The following HSD17B3 variants were observed in gnomAD, a reference collection of about 807,000 sequenced individuals.
HSD17B3 encodes the protein hydroxysteroid 17-beta dehydrogenase 3.
A neutral mutation model predicts 41.1 loss-of-function variants in HSD17B3; 29 were observed. The observed-to-expected ratio is 0.71, with a 90% confidence interval of 0.53 to 0.96. The LOEUF (loss-of-function observed/expected upper bound fraction) is 0.96. HSD17B3 is among the 40% of genes least tolerant of loss of function. HSD17B3 has a pLI of 0.00. For missense variants in HSD17B3, 323 were observed against 374.6 expected (o/e 0.86, Z 1.14); for synonymous variants, 126 against 145.6 (o/e 0.87, Z 0.97).
intron 8 of HSD17B3, 32 bp from the exon 9 acceptor site, chr9:96,244,426 C>T: frequency 1.2e-6 from 2 of 1,610,958 alleles, no homozygotes; most frequent in Non-Finnish European, 1.7e-6. Context: ...CCTGAGGCCC[C>T]AGAGTGAGCT....
At chr9:96,288,893 C>T (rs944410372) in intron 2 of HSD17B3, among the ~76,000 whole-genome samples, 2 of 150,710 alleles carry the variant, frequency 1.3e-5, no homozygotes, top group East Asian at 3.9e-4. Context: ...GCCGAAATTG[C>T]GCCACTGCAC....
At chr9:96,288,551 C>T (rs574613887) in intron 2 of HSD17B3, among the ~76,000 whole-genome samples, 1 of 152,240 alleles carries the variant, frequency 6.6e-6, no homozygotes, top group East Asian at 1.9e-4. Context: ...GAGGCCGAGG[C>T]AGGAGGATCA....
intron 2 of HSD17B3, among the ~76,000 whole-genome samples, chr9:96,274,487 T>C (rs754029997): frequency 2.0e-5 from 3 of 151,540 alleles, no homozygotes; most frequent in Non-Finnish European, 2.9e-5. Flanking sequence ...AGAACACAGA[T>C]AGACAACTCA....
chr9:96,292,735 C>A (rs1296385132), intron 2 of HSD17B3, among the ~76,000 whole-genome samples: 1 of 152,158 alleles, frequency 6.6e-6, no homozygotes, highest in Non-Finnish European at 1.5e-5. Context: ...TGCCAAGAAT[C>A]ATTGTATTTA....
intron 2 of HSD17B3, chr9:96,256,193 A>G (rs1408271216): frequency 3.3e-5 from 5 of 152,260 alleles, no homozygotes; most frequent in Admixed American, 2.6e-4. Flanking sequence ...TAAAATACAC[A>G]TAACAAAATC....
intron 6 of HSD17B3, among the ~76,000 whole-genome samples, chr9:96,248,826 G>A (rs1305230091): frequency 6.6e-6 from 1 of 152,090 alleles, no homozygotes; most frequent in Non-Finnish European, 1.5e-5. Context: ...AGGGACTCAT[G>A]CTATACATCT....
chr9:96,246,659 C>T, intron 6 of HSD17B3, 69 bp from the exon 7 acceptor site: 1 of 1,412,450 alleles, frequency 7.1e-7, no homozygotes, highest in Non-Finnish European at 1.0e-6. Context: ...GGGATGGAAA[C>T]AGGGAAGGGA....
chr9:96,248,245 A>T (rs920902852), intron 6 of HSD17B3, among the ~76,000 whole-genome samples: 1 of 152,216 alleles, frequency 6.6e-6, no homozygotes, highest in Non-Finnish European at 1.5e-5. Flanking sequence ...TAAGCACAAA[A>T]AGATGTGTGT....
chr9:96,240,834 T>TCAG lies in HSD17B3; in HGVS notation c.743_745dup (p.Ala248dup). On this transcript the variant is annotated inframe_insertion, in exon 10 of 11. Coordinates refer to ENST00000375263, the MANE Select transcript of HSD17B3 (RefSeq NM_000197.2). ...ATTCAATGACTCTTTGACAAACTCATCAGCAGTCTTGGTTATCACATTTGT... is the reference window on the plus strand; with the variant it reads ...ATTCAATGACTCTTTGACAAACTCATCAGCAGCAGTCTTGGTTATCACATTTGT... 1 of 1,614,144 alleles carries TCAG rather than the reference T, an allele frequency of 6.2e-7. No homozygotes were observed. The highest frequency in any genetic ancestry group is 8.5e-7 in the Non-Finnish European group (1 of 1,179,988).
rs572990307 is a variant in HSD17B3 at position 96,297,462 on chromosome 9, TCAGCCTCC to T, written c.201+946_201+953del. Among the ~76,000 whole-genome samples the T allele has an allele frequency of 4.7e-5, 7 of 149,026 alleles. No individual in the cohort carries two copies. In the South Asian group the frequency reaches 1.5e-3, roughly 33 times the overall value. Reference sequence around the variant, plus strand: ...CCCAGGTTCAAGAGATTCTCCTGCCTCAGCCTCCCAAGTAGCTGGGATTACAGGCACCT... The same window carrying T: ...CCCAGGTTCAAGAGATTCTCCTGCCTCAAGTAGCTGGGATTACAGGCACCT... On this transcript the variant is annotated intron_variant, in intron 2 of 10. Coordinates refer to ENST00000375263, the MANE Select transcript of HSD17B3 (RefSeq NM_000197.2).
intron 10 of HSD17B3, among the ~76,000 whole-genome samples, chr9:96,236,873 C>A (rs1423598978): frequency 6.6e-6 from 1 of 152,148 alleles, no homozygotes; most frequent in African/African-American, 2.4e-5. Flanking sequence ...CAACATGCCT[C>A]AATCCACCTA....
intron 2 of HSD17B3, 119 bp from the exon 3 acceptor site, chr9:96,255,062 C>T (rs2130733810): frequency 1.2e-6 from 1 of 862,978 alleles, no homozygotes; most frequent in East Asian, 2.6e-5. Context: ...GGTTGCTTCA[C>T]CTGGGTTTAA....
chr9:96,249,998 G>A, intron 5 of HSD17B3: 24 of 1,454,460 alleles, frequency 1.7e-5, no homozygotes, highest in South Asian at 2.9e-5. Context: ...CTGTACCCAC[G>A]TCATCTTGAC....
intron 6 of HSD17B3, 34 bp downstream of exon 6, chr9:96,249,717 G>A: frequency 6.2e-7 from 1 of 1,604,310 alleles, no homozygotes; most frequent in Non-Finnish European, 8.5e-7. Context: ...GTTACTACAT[G>A]TTAATGCATT....
At chr9:96,292,243 G>A (rs1278405703) in intron 2 of HSD17B3, among the ~76,000 whole-genome samples, 1 of 152,126 alleles carries the variant, frequency 6.6e-6, no homozygotes, top group Admixed American at 6.5e-5. Context: ...AATCTCAAGG[G>A]CCCATTGAAC....
chr9:96,237,476 A>C (rs535141411), intron 10 of HSD17B3, among the ~76,000 whole-genome samples: 4 of 152,332 alleles, frequency 2.6e-5, no homozygotes, highest in Admixed American at 1.3e-4. Flanking sequence ...CAACTAAGTG[A>C]GGCAACATGC....
At chr9:96,236,623 C>T (rs1230759459) in intron 10 of HSD17B3, among the ~76,000 whole-genome samples, 1 of 151,978 alleles carries the variant, frequency 6.6e-6, no homozygotes, top group Non-Finnish European at 1.5e-5. Context: ...ATAGTGGGCG[C>T]TAAGGAAATA....
intron 9 of HSD17B3, 123 bp downstream of exon 9, chr9:96,244,206 G>T (rs1000850833): frequency 7.3e-6 from 7 of 961,374 alleles, no homozygotes; most frequent in Non-Finnish European, 1.2e-5. Flanking sequence ...CCACACATGA[G>T]CAGCCAGACC....
chr9:96,295,637 C>T lies in HSD17B3; in HGVS notation c.201+2779G>A, dbSNP rs529881424. On this transcript the variant is annotated intron_variant, in intron 2 of 10. Coordinates refer to ENST00000375263, the MANE Select transcript of HSD17B3 (RefSeq NM_000197.2). Reference sequence around the variant, plus strand: ...GGCGTGAGCCACTGCGCCCAGCCCACGAGGAGCTTTTTTAACTGACATGCT... The same window carrying T: ...GGCGTGAGCCACTGCGCCCAGCCCATGAGGAGCTTTTTTAACTGACATGCT... Among the ~76,000 whole-genome samples, 10 of 152,204 alleles carry T rather than the reference C, an allele frequency of 6.6e-5. No homozygotes were observed. In the South Asian group the frequency reaches 1.5e-3, roughly 22 times the overall value.
Sources: gnomAD v4.1 joint callset for allele counts (sites outside exome capture counted in the v4.1 genomes callset) on GRCh38, gnomAD v4.1.1 for gene constraint, MANE v1.5 for transcripts, NCBI Gene and HGNC (gene_info 2026-07-23, HGNC 2026-07-21) for gene names.